The following MMEL1 variants were observed in gnomAD, a reference collection of about 807,000 sequenced individuals.
The protein encoded by MMEL1 is membrane metallo-endopeptidase-like 1.
A neutral mutation model predicts 117.1 loss-of-function variants in MMEL1; 98 were observed. That is an observed-to-expected ratio of 0.84 (90% CI 0.71 to 0.99). The LOEUF is 0.99. MMEL1 is among the 50% of genes least tolerant of loss of function. MMEL1 has a pLI of 0.00. For missense variants in MMEL1, 1,014 were observed against 1,049.1 expected (o/e 0.97, Z 0.46); for synonymous variants, 390 against 415.1 (o/e 0.94, Z 0.74).
At chr1:2,596,719 C>T (rs1377684778) in intron 13 of MMEL1, 30 bp from the exon 14 acceptor site, 2 of 1,607,918 alleles carry the variant, frequency 1.2e-6, no homozygotes, top group Non-Finnish European at 1.7e-6. Flanking sequence ...ATCCCACGGG[C>T]CCCCACGTCA....
Position 2,632,961 on chromosome 1 carries a change from G to C in MMEL1, c.-133C>G. On this transcript the variant is annotated 5_prime_UTR_variant, in exon 1 of 24. In the 5' UTR this introduces an upstream ATG that the reference lacks. Transcript: ENST00000378412. ...TGGGGTGAGCTGGGCCAAGTGGGTG[G>C]ATTTCCAGGGACTGGGATGGGAGAG... The C allele has an allele frequency of 1.0e-6, 1 of 985,834 alleles. No homozygotes were observed. Among genetic ancestry groups the C allele is most frequent in the Non-Finnish European group, 1.2e-6 (1 of 830,174 alleles). The allele number at this position is 985,834 out of a possible 1,614,324, so 61.1% of individuals were successfully genotyped here.
chr1:2,622,402 C>T (rs1645303360), intron 2 of MMEL1, among the ~76,000 whole-genome samples: 1 of 152,082 alleles, frequency 6.6e-6, no homozygotes, highest in African/African-American at 2.4e-5. Context: ...GGTCTGTGGG[C>T]CACACTTTGA....
intron 14 of MMEL1, among the ~76,000 whole-genome samples, 190 bp from the exon 15 acceptor site, chr1:2,596,297 T>C (rs1056941028): frequency 2.6e-5 from 4 of 152,104 alleles, no homozygotes; most frequent in Non-Finnish European, 5.9e-5. Flanking sequence ...GGGTCCTCCC[T>C]GCTGGGCTGT....
At chr1:2,609,906 C>CGGTCCAAGACACAGCCT (rs1645100418) in intron 4 of MMEL1, 75 bp from the exon 5 acceptor site, 2 of 1,485,000 alleles carry the variant, frequency 1.3e-6, no homozygotes, top group African/African-American at 2.8e-5. Context: ...GCCTGTCTCC[C>CGGTCCAAGACACAGCCT]GGTCCAAGAC....
rs774390127 is a variant in MMEL1, at chr1:2,592,947, A to G, written c.1887T>C (p.Asn629=). The change falls in exon 20 of 24, where the codon AAT becomes AAC. Residue 629 remains asparagine (N), a synonymous_variant. Transcript: ENST00000378412. ...TACTCCACCAATCCATCATGTTGCC[A>G]TTCTTGTCGAAGTTCCGGCCTGGGC... The part of the protein sequence containing the change: ...FDDNGRNFDK[N]GNMMDWWSNF... 6.2e-7 allele frequency: 1 copy of G among 1,613,590 alleles called. No individual in the cohort carries two copies. Among genetic ancestry groups the G allele is most frequent in the Admixed American group, 1.7e-5 (1 of 60,016 alleles).
At chr1:2,607,349 A>G (rs1459778588) in intron 6 of MMEL1, among the ~76,000 whole-genome samples, 1 of 152,034 alleles carries the variant, frequency 6.6e-6, no homozygotes, top group Non-Finnish European at 1.5e-5. Context: ...CCGGGGGACA[A>G]AGAGGATGAT....
At chr1:2,605,771 G>C (rs770842698) in intron 8 of MMEL1, 148 bp from the exon 9 acceptor site, 19 of 620,372 alleles carry the variant, frequency 3.1e-5, no homozygotes, top group Non-Finnish European at 5.2e-5. Context: ...TGCCGGACCC[G>C]GGAGGCCAGA....
At chr1:2,631,653 C>G (rs1224362573) in intron 1 of MMEL1, among the ~76,000 whole-genome samples, 1 of 152,130 alleles carries the variant, frequency 6.6e-6, no homozygotes, top group Admixed American at 6.5e-5. Context: ...GCTCTGTGAA[C>G]CGCAGCGTTC....
rs777203737 is a variant in MMEL1 at position 2,591,550 on chromosome 1, G to A, written c.2240+7C>T. On this transcript the variant is annotated splice_region_variant and intron_variant, in intron 23 of 23. Transcript: ENST00000378412. ...TGGCAAGGGGGTTGTGAGCATGGGA[G>A]ACTTGCCTGTACTTCAGGGGACTGT... The A allele has an allele frequency of 1.9e-6, 3 of 1,613,170 alleles. No individual in the cohort carries two copies. The Admixed American group carries it at 5.0e-5, about 27-fold the overall frequency.
chr1:2,595,885 G>T lies in MMEL1; in HGVS notation c.1500+124C>A. 1.4e-6 allele frequency: 1 copy of T among 727,544 alleles called. No individual in the cohort carries two copies. The highest frequency in any genetic ancestry group is 1.7e-5 in the South Asian group (1 of 60,114). The allele number at this position is 727,544 out of a possible 1,614,324, so 45.1% of individuals were successfully genotyped here. A position where few individuals can be genotyped will look rare whatever the true frequency, so the allele number is the denominator to read the frequency against. On this transcript the variant is annotated intron_variant, in intron 15 of 23. Transcript: ENST00000378412. This position sits in a 1 kb window ranked among gnomAD's most constrained non-coding sequence, Gnocchi z 4.8. ...CTCCCGGGGCTGCCTTCTCCCCGTG[G>T]GGTCCTGTCTGCGCCTCCCGGGGCT...
chr1:2,624,354 C>A (rs1376326522), intron 2 of MMEL1, among the ~76,000 whole-genome samples: 1 of 152,206 alleles, frequency 6.6e-6, no homozygotes, highest in Non-Finnish European at 1.5e-5. Context: ...CTGAGGTGCA[C>A]TGTGGGTAAC....
rs750750494 is a variant in MMEL1 at position 2,606,989 on chromosome 1, A to T, written c.616T>A (p.Trp206Arg). Reference protein sequence around the residue: ...VGGWPVAMDRWNETVGLEWEL... With the variant: ...VGGWPVAMDRRNETVGLEWEL... Reference sequence around the variant, plus strand: ...CCGGCCTTACCTACGGTCTCGTTCCACCTGTCCATCGCCACCGGCCAGCCT... The same window carrying T: ...CCGGCCTTACCTACGGTCTCGTTCCTCCTGTCCATCGCCACCGGCCAGCCT... The change falls in exon 7 of 24, where the codon TGG becomes AGG. Residue 206 changes from tryptophan to arginine, a missense_variant. Trp to Arg is a moderately radical substitution (Grantham distance 101). Coordinates refer to ENST00000378412, the MANE Select transcript of MMEL1 (RefSeq NM_033467.4). 12 of 1,612,750 alleles carry T rather than the reference A, an allele frequency of 7.4e-6. No homozygotes were observed. Among genetic ancestry groups the T allele is most frequent in the Non-Finnish European group, 6.8e-6 (8 of 1,179,902 alleles).
At chr1:2,594,200 C>T (rs1333402358) in intron 18 of MMEL1, 185 bp downstream of exon 18, 16 of 808,888 alleles carry the variant, frequency 2.0e-5, no homozygotes, top group Non-Finnish European at 3.2e-5. Context: ...CCAAGTCCCT[C>T]CCGAAGCCGC....
chr1:2,620,857 C>G (rs1465778926), intron 2 of MMEL1, among the ~76,000 whole-genome samples: 2 of 151,822 alleles, frequency 1.3e-5, no homozygotes, highest in Non-Finnish European at 2.9e-5. Flanking sequence ...CTGATGGACC[C>G]TCCCTTCAGG....
chr1:2,629,789 T>G, intron 1 of MMEL1: 1 of 320,780 alleles, frequency 3.1e-6, no homozygotes. Context: ...GAGGCTCAGC[T>G]CCTGTGCTGT....
chr1:2,596,421 G>T, intron 14 of MMEL1, 140 bp downstream of exon 14: 1 of 1,252,248 alleles, frequency 8.0e-7, no homozygotes, highest in Non-Finnish European at 1.1e-6. Flanking sequence ...GGGTGGGCAC[G>T]GCTTCCCTTA....
At chr1:2,596,192 G>A in intron 14 of MMEL1, 85 bp from the exon 15 acceptor site, 1 of 1,270,104 alleles carries the variant, frequency 7.9e-7, no homozygotes, top group Non-Finnish European at 1.1e-6. Flanking sequence ...GGTCTGGTCT[G>A]AGCCCCGCCG....
chr1:2,625,898 G>A (rs953237702), intron 2 of MMEL1, among the ~76,000 whole-genome samples: 13 of 151,894 alleles, frequency 8.6e-5, no homozygotes, highest in Non-Finnish European at 1.5e-4. Context: ...AGCCTGCACC[G>A]ATAGCCTCAT....
intron 21 of MMEL1, among the ~76,000 whole-genome samples, chr1:2,592,297 G>A (rs1311503223): frequency 1.8e-5 from 2 of 110,568 alleles, no homozygotes; most frequent in African/African-American, 7.0e-5. Context: ...CCTCCCCTGA[G>A]GCACTGGTGC....
Sources: gnomAD v4.1 joint callset for allele counts (sites outside exome capture counted in the v4.1 genomes callset) on GRCh38, gnomAD v4.1.1 for gene constraint, Gnocchi (gnomAD v3.1) non-coding constraint, MANE v1.5 for transcripts, NCBI Gene and HGNC (gene_info 2026-07-23, HGNC 2026-07-21) for gene names.